Variants in SMAD2 observed in about 807,000 individuals in gnomAD.
SMAD2 encodes SMAD family member 2.
A neutral mutation model predicts 64.4 loss-of-function variants in SMAD2; 8 were observed. The observed-to-expected ratio is 0.12, with a 90% confidence interval of 0.07 to 0.22. The LOEUF is 0.22. Ranked by LOEUF, SMAD2 falls within the 10% of genes least tolerant of loss-of-function variation. The probability of loss-of-function intolerance (pLI) is 1.00; values close to 1 mark genes in which losing one functional copy is unlikely to be tolerated. For missense variants in SMAD2, 289 were observed against 561.2 expected, an observed-to-expected ratio of 0.51 and a Z score of 4.90; for synonymous variants, 203 against 195.8, an observed-to-expected ratio of 1.04 and a Z score of -0.31.
chr18:47,843,143 G>A (rs2144281001), intron 10 of SMAD2, among the ~76,000 whole-genome samples: 1 of 152,270 alleles, frequency 6.6e-6, no homozygotes, highest in South Asian at 2.1e-4. Flanking sequence ...CTGCATTTCT[G>A]TGCCCAGGAA....
chr18:47,892,815 ATG>A (rs1393973156), intron 2 of SMAD2, among the ~76,000 whole-genome samples: 14 of 152,320 alleles, frequency 9.2e-5, no homozygotes, highest in African/African-American at 3.4e-4. Context: ...ATGTGATTAC[ATG>A]GTCAGAGTAC....
intron 4 of SMAD2, among the ~76,000 whole-genome samples, chr18:47,869,032 C>T (rs931470256): frequency 1.3e-5 from 2 of 151,940 alleles, no homozygotes; most frequent in African/African-American, 4.8e-5. Context: ...ACTTTCATGC[C>T]AAATCATATG....
chr18:47,874,651 C>G (rs1447881302), intron 2 of SMAD2, among the ~76,000 whole-genome samples: 1 of 152,006 alleles, frequency 6.6e-6, no homozygotes, highest in Non-Finnish European at 1.5e-5. Context: ...ACCCTATGAA[C>G]TGATATGGAA....
chr18:47,849,888 G>C (rs1252163853), intron 7 of SMAD2, among the ~76,000 whole-genome samples: 2 of 151,522 alleles, frequency 1.3e-5, no homozygotes, highest in Non-Finnish European at 2.9e-5. Context: ...TGCACCTGTA[G>C]TCCCAGCTAC....
At chr18:47,899,312 T>C (rs753523239) in intron 1 of SMAD2, among the ~76,000 whole-genome samples, 10 of 152,082 alleles carry the variant, frequency 6.6e-5, no homozygotes, top group Non-Finnish European at 1.5e-4. Flanking sequence ...AACAAAGGTT[T>C]GGAGCTTAGC....
Position 47,930,574 on chromosome 18 carries a change from AGAGGGGAGGG to A in SMAD2, c.-277_-268del, listed in dbSNP as rs1166970619. On this transcript the variant is annotated 5_prime_UTR_variant, in exon 1 of 11. Coordinates refer to ENST00000262160, the MANE Select transcript of SMAD2 (RefSeq NM_005901.6). ...CGGGCGCGCGGGAGGGTAGGGGAAG[AGAGGGGAGGG>A]GAGGGGAGGAGAGGGAAGGGGAGGG... The A allele has an allele frequency of 7.4e-6, 1 of 135,160 alleles. No individual in the cohort carries two copies. The highest frequency in any genetic ancestry group is 1.6e-5 in the Non-Finnish European group (1 of 62,610). The allele number at this position is 135,160 out of a possible 1,614,324, so 8.4% of individuals were successfully genotyped here.
rs563929626 is a variant in SMAD2 at position 47,851,756 on chromosome 18, A to G, written c.731-429T>C. ...TCCTTATTTGTCTATCTACATATCA[A>G]TTAGTCACATAACATCGCGATCCCA... On this transcript the variant is annotated intron_variant, in intron 6 of 10. Transcript: ENST00000262160. Among the ~76,000 whole-genome samples the G allele has an allele frequency of 2.7e-5, 4 of 147,324 alleles. No individual in the cohort carries two copies. In the South Asian group the frequency reaches 8.3e-4, roughly 31 times the overall value.
chr18:47,838,602 G>A lies in SMAD2; in HGVS notation c.*3225C>T, dbSNP rs183195582. 28 of 232,948 alleles carry A rather than the reference G, an allele frequency of 1.2e-4. No individual in the cohort carries two copies. The highest frequency in any genetic ancestry group is 2.4e-4 in the East Asian group (4 of 16,648). The allele number at this position is 232,948 out of a possible 1,614,324, so 14.4% of individuals were successfully genotyped here. A position where few individuals can be genotyped will look rare whatever the true frequency, so the allele number is the denominator to read the frequency against. ...GTAGGATAAAAAGAGCACAATCAGC[G>A]GTATTCCAGAAGGTAGGCCTAAATC... On this transcript the variant is annotated 3_prime_UTR_variant, in exon 11 of 11. Coordinates refer to ENST00000262160, the MANE Select transcript of SMAD2 (RefSeq NM_005901.6).
At position 47,816,205 on chromosome 18, in the gene SMAD2, T is replaced by A. The variant is rs1254153060; in HGVS notation, c.*25622A>T. On this transcript the variant is annotated 3_prime_UTR_variant, in exon 11 of 11. Coordinates refer to ENST00000262160, the MANE Select transcript of SMAD2 (RefSeq NM_005901.6). ...CTTTCTTCAGGGAGGGCAGTGGAAG[T>A]GAGTTTGAGATAAAAAGGAATTTAT... 1 of 152,158 alleles carries A rather than the reference T, an allele frequency of 6.6e-6. No homozygotes were observed. The highest frequency in any genetic ancestry group is 2.1e-4 in the South Asian group (1 of 4,830). The allele number at this position is 152,158 out of a possible 1,614,324, so 9.4% of individuals were successfully genotyped here.
chr18:47,904,210 C>T (rs1042014087), intron 1 of SMAD2, among the ~76,000 whole-genome samples: 18 of 149,728 alleles, frequency 1.2e-4, no homozygotes, highest in African/African-American at 4.2e-4. Context: ...AGGCAGAAAA[C>T]GGAAGAGAGC....
At chr18:47,868,544 G>A (rs1489085326) in intron 4 of SMAD2, 87 bp from the exon 5 acceptor site, 2 of 1,069,420 alleles carry the variant, frequency 1.9e-6, no homozygotes, top group African/African-American at 1.6e-5. Context: ...AAGAAGAGAA[G>A]TTGTAGCTTA....
Position 47,822,481 on chromosome 18 carries a change from A to G in SMAD2, c.*19346T>C, listed in dbSNP as rs1433823878. 1 of 152,248 alleles carries G rather than the reference A, an allele frequency of 6.6e-6. No individual in the cohort carries two copies. The highest frequency in any genetic ancestry group is 2.4e-5 in the African/African-American group (1 of 41,462). The allele number at this position is 152,248 out of a possible 1,614,324, so 9.4% of individuals were successfully genotyped here. Reference sequence around the variant, plus strand: ...CAACAAAAAAAGTTACATGAGACTAAGTAACTGAAGATGTGTCTGTGACTT... The same window carrying G: ...CAACAAAAAAAGTTACATGAGACTAGGTAACTGAAGATGTGTCTGTGACTT... On this transcript the variant is annotated 3_prime_UTR_variant, in exon 11 of 11. Coordinates refer to ENST00000262160, the MANE Select transcript of SMAD2 (RefSeq NM_005901.6).
chr18:47,922,387 T>C (rs1304473115), intron 1 of SMAD2, among the ~76,000 whole-genome samples: 1 of 152,182 alleles, frequency 6.6e-6, no homozygotes, highest in Non-Finnish European at 1.5e-5. Flanking sequence ...ATAAAAAATA[T>C]TCAGGAAAAA....
chr18:47,864,476 T>C (rs966468245), intron 6 of SMAD2, among the ~76,000 whole-genome samples: 13 of 152,148 alleles, frequency 8.5e-5, no homozygotes, highest in African/African-American at 3.1e-4. Flanking sequence ...AACTGGACAA[T>C]TACAATGACA....
In SMAD2 at chr18:47,814,155, T is replaced by G. The variant is rs536855538; in HGVS notation, c.*27672A>C. 1 of 152,164 alleles carries G rather than the reference T, an allele frequency of 6.6e-6. No homozygotes were observed. The highest frequency in any genetic ancestry group is 1.5e-5 in the Non-Finnish European group (1 of 68,042). The allele number at this position is 152,164 out of a possible 1,614,324, so 9.4% of individuals were successfully genotyped here. The stretch of plus-strand genomic sequence containing the variant: ...CTATTGGGTCAAGACTTTGACAATA[T>G]TAAAGATTCCATTTTCTTCATATAT... On this transcript the variant is annotated 3_prime_UTR_variant, in exon 11 of 11. Transcript: ENST00000262160.
chr18:47,813,711 A>AATTTTTTTTTTTTT lies in SMAD2; in HGVS notation c.*28115_*28116insAAAAAAAAAAAAAT, dbSNP rs1912278526. On this transcript the variant is annotated 3_prime_UTR_variant, in exon 11 of 11. Coordinates refer to ENST00000262160, the MANE Select transcript of SMAD2 (RefSeq NM_005901.6). ...ATGAGCCACTGTACCCGGCCCCACA[A>AATTTTTTTTTTTTT]TTTTTTTTTTTTTTTTTTTTTGGAG... 5 of 84,578 alleles carry AATTTTTTTTTTTTT rather than the reference A, an allele frequency of 5.9e-5. No homozygotes were observed. The East Asian group carries it at 2.3e-3, about 39-fold the overall frequency. 5.2% of individuals were successfully genotyped at this position (84,578 alleles called of 1,614,324 possible). A position where few individuals can be genotyped will look rare whatever the true frequency, so the allele number is the denominator to read the frequency against.
In SMAD2 at chr18:47,818,027, T is replaced by C. The variant is rs1398879768; in HGVS notation, c.*23800A>G. ...TGTGGCTTTTCCTCATGCATGTTTT[T>C]GGATCAATGACCATCATAGAGATTG... On this transcript the variant is annotated 3_prime_UTR_variant, in exon 11 of 11. Coordinates refer to ENST00000262160, the MANE Select transcript of SMAD2 (RefSeq NM_005901.6). 6.6e-6 allele frequency: 1 copy of C among 152,256 alleles called. No individual in the cohort carries two copies. Among genetic ancestry groups the C allele is most frequent in the Middle Eastern group, 3.2e-3 (1 of 316 alleles). 9.4% of individuals were successfully genotyped at this position (152,256 alleles called of 1,614,324 possible). A position where few individuals can be genotyped will look rare whatever the true frequency, so the allele number is the denominator to read the frequency against.
intron 1 of SMAD2, chr18:47,912,204 A>T (rs996373233): frequency 2.0e-5 from 3 of 152,252 alleles, no homozygotes; most frequent in Admixed American, 6.5e-5. Context: ...CTGTGGCAGA[A>T]GATGAGGGGA....
intron 7 of SMAD2, 112 bp downstream of exon 7, chr18:47,851,162 T>C (rs988177275): frequency 4.0e-5 from 31 of 767,158 alleles, no homozygotes; most frequent in Non-Finnish European, 6.7e-5. Context: ...TATTTGGCTA[T>C]TCATTAGGAT....
Sources: gnomAD v4.1 joint callset for allele counts (sites outside exome capture counted in the v4.1 genomes callset) on GRCh38, gnomAD v4.1.1 for gene constraint, MANE v1.5 for transcripts, NCBI Gene and HGNC (gene_info 2026-07-23, HGNC 2026-07-21) for gene names.